SLC9A4: variants seen among roughly 807,000 people sequenced by gnomAD.
SLC9A4 encodes solute carrier family 9 member A4, also known as sodium/hydrogen exchanger 4.
In SLC9A4, 63 loss-of-function variants were observed where a neutral mutation model predicts 67.4. The observed-to-expected ratio is 0.93, with a 90% CI of 0.76 to 1.15. The LOEUF is 1.15. SLC9A4 is among the 50% of genes most tolerant of loss of function. The pLI, the probability that SLC9A4 is intolerant of heterozygous loss-of-function variation, is 0.00. For missense variants in SLC9A4, 1,089 were observed against 987.7 expected (o/e 1.10, Z -1.38); for synonymous variants, 393 against 367.2 (o/e 1.07, Z -0.80).
rs77209312 is a variant in SLC9A4 at position 102,519,333 on chromosome 2, A to G, written c.1722-526A>G. 5.2e-3 allele frequency among the ~76,000 whole-genome samples: 796 copies of G among 152,380 alleles called. 10 individuals are homozygous for G. Among genetic ancestry groups the G allele is most frequent in the African/African-American group, 0.019 (774 of 41,594 alleles). On this transcript the variant is annotated intron_variant, in intron 8 of 11. Coordinates refer to ENST00000295269, the MANE Select transcript of SLC9A4 (RefSeq NM_001011552.4). ...CCAATATAAATGTACTCATGAAACT[A>G]ATATTCTATTAGATAAATGCTAATC...
At chr2:102,528,565 G>A (rs1179215544) in intron 11 of SLC9A4, among the ~76,000 whole-genome samples, 1 of 152,078 alleles carries the variant, frequency 6.6e-6, no homozygotes, top group Non-Finnish European at 1.5e-5. Context: ...ATGCCTGGAC[G>A]ACAGTTATTT....
At chr2:102,511,562 A>C (rs1685163217) in intron 6 of SLC9A4, among the ~76,000 whole-genome samples, 1 of 151,992 alleles carries the variant, frequency 6.6e-6, no homozygotes, top group Non-Finnish European at 1.5e-5. Flanking sequence ...TCAAATTTAA[A>C]ATATTTGGAG....
At chr2:102,480,241 A>G (rs541537334) in intron 2 of SLC9A4, among the ~76,000 whole-genome samples, 1 of 152,220 alleles carries the variant, frequency 6.6e-6, no homozygotes, top group South Asian at 2.1e-4. Flanking sequence ...TATTTTTTAT[A>G]TGCATATACA....
At chr2:102,515,287 A>G (rs1402025778) in intron 8 of SLC9A4, among the ~76,000 whole-genome samples, 1 of 151,680 alleles carries the variant, frequency 6.6e-6, no homozygotes, top group East Asian at 2.0e-4. Flanking sequence ...CTGAGATAAC[A>G]CCTTCATCCC....
chr2:102,482,601 C>A (rs1227926874), intron 2 of SLC9A4, among the ~76,000 whole-genome samples: 1 of 152,132 alleles, frequency 6.6e-6, no homozygotes, highest in Non-Finnish European at 1.5e-5. Context: ...GTGTCCATTT[C>A]CTAGTTCATC....
chr2:102,515,870 C>T (rs907955532), intron 8 of SLC9A4, among the ~76,000 whole-genome samples: 3 of 151,896 alleles, frequency 2.0e-5, no homozygotes, highest in African/African-American at 2.4e-5. Context: ...AGGGTCATGA[C>T]GTTAACAAAA....
intron 7 of SLC9A4, among the ~76,000 whole-genome samples, chr2:102,513,569 T>TA (rs887930846): frequency 6.6e-6 from 1 of 151,540 alleles, no homozygotes; most frequent in Non-Finnish European, 1.5e-5. Flanking sequence ...GTAGGGTTTT[T>TA]TTCTTCCCCT....
chr2:102,518,742 C>T (rs1220162128), intron 8 of SLC9A4, among the ~76,000 whole-genome samples: 1 of 152,108 alleles, frequency 6.6e-6, no homozygotes, highest in African/African-American at 2.4e-5. Context: ...AAAAGGTGGC[C>T]TGTATTAAAA....
At chr2:102,476,599 T>C (rs936880299) in intron 1 of SLC9A4, among the ~76,000 whole-genome samples, 12 of 152,118 alleles carry the variant, frequency 7.9e-5, no homozygotes, top group African/African-American at 2.9e-4. Context: ...AAAATCACAC[T>C]ATGGGCTCTT....
intron 2 of SLC9A4, among the ~76,000 whole-genome samples, chr2:102,499,609 G>A: frequency 6.6e-6 from 1 of 152,152 alleles, no homozygotes; most frequent in Admixed American, 6.5e-5. Context: ...TATGTTGTGT[G>A]TGTACTTGCT....
intron 2 of SLC9A4, among the ~76,000 whole-genome samples, chr2:102,484,777 G>C (rs776517178): frequency 1.3e-5 from 2 of 152,146 alleles, no homozygotes; most frequent in Non-Finnish European, 2.9e-5. Context: ...CATCAGAGAG[G>C]TCAAAGGCCC....
At chr2:102,512,739 C>T (rs1685190310) in intron 7 of SLC9A4, among the ~76,000 whole-genome samples, 1 of 152,116 alleles carries the variant, frequency 6.6e-6, no homozygotes, top group South Asian at 2.1e-4. Context: ...GCCCAAATCC[C>T]TCTTCTTCAC....
chr2:102,521,218 G>A (rs1192198331), intron 9 of SLC9A4, among the ~76,000 whole-genome samples: 1 of 152,186 alleles, frequency 6.6e-6, no homozygotes, highest in Non-Finnish European at 1.5e-5. Context: ...TAGAAACGGA[G>A]ATGGAGATCC....
chr2:102,498,919 G>A (rs1684865212), intron 2 of SLC9A4, among the ~76,000 whole-genome samples: 1 of 152,186 alleles, frequency 6.6e-6, no homozygotes, highest in African/African-American at 2.4e-5. Context: ...TGCATTAAAT[G>A]TACAAGAGTT....
chr2:102,475,409 G>A (rs192736525), intron 1 of SLC9A4, among the ~76,000 whole-genome samples: 24 of 152,216 alleles, frequency 1.6e-4, no homozygotes, highest in East Asian at 9.7e-4. Flanking sequence ...CAGGAAACTC[G>A]TCCTGTCACT....
chr2:102,487,466 G>A (rs1197016202), intron 2 of SLC9A4, among the ~76,000 whole-genome samples: 1 of 152,128 alleles, frequency 6.6e-6, no homozygotes, highest in East Asian at 1.9e-4. Flanking sequence ...CCACAGACTT[G>A]CCCTTTAAGG....
chr2:102,500,636 A>G (rs11682754), intron 2 of SLC9A4, among the ~76,000 whole-genome samples: 107,756 of 152,104 alleles, frequency 0.71, 38,896 homozygotes, highest in Middle Eastern at 0.77. Context: ...GCCAGCTCAC[A>G]TTCCCAAGCC....
chr2:102,512,123 T>G, intron 6 of SLC9A4, 80 bp from the exon 7 acceptor site: 1 of 1,496,940 alleles, frequency 6.7e-7, no homozygotes, highest in Non-Finnish European at 9.2e-7. Flanking sequence ...TCCTTTGTTT[T>G]TTAAAGTGTC....
intron 7 of SLC9A4, among the ~76,000 whole-genome samples, 155 bp from the exon 8 acceptor site, chr2:102,513,935 A>T (rs576408981): frequency 9.8e-5 from 15 of 152,288 alleles, no homozygotes; most frequent in East Asian, 5.8e-4. Context: ...GAATTTTTTT[A>T]AAAAATGTGT....
Sources: gnomAD v4.1 joint callset for allele counts (sites outside exome capture counted in the v4.1 genomes callset) on GRCh38, gnomAD v4.1.1 for gene constraint, MANE v1.5 for transcripts, NCBI Gene and HGNC (gene_info 2026-07-23, HGNC 2026-07-21) for gene names.